MACROH2A2: variants seen among roughly 807,000 people sequenced by gnomAD.
MACROH2A2 encodes core histone macro-H2A.2.
A neutral mutation model predicts 37.6 loss-of-function variants in MACROH2A2; 6 were observed. The observed-to-expected ratio is 0.16, with a 90% CI of 0.09 to 0.32. The LOEUF (loss-of-function observed/expected upper bound fraction) is 0.32, where lower values mean the gene tolerates loss of function less well. MACROH2A2 is among the 10% of genes least tolerant of loss of function. MACROH2A2 has a pLI of 1.00. For missense variants in MACROH2A2, 290 were observed against 485.9 expected, an observed-to-expected ratio of 0.60 and a Z score of 3.79; for synonymous variants, 192 against 202.7, an observed-to-expected ratio of 0.95 and a Z score of 0.45.
At chr10:70,100,086 G>A (rs1052070636) in intron 6 of MACROH2A2, 122 bp from the exon 7 acceptor site, 1 of 581,778 alleles carries the variant, frequency 1.7e-6, no homozygotes, top group South Asian at 2.5e-5. Flanking sequence ...TAACAATTGG[G>A]AAGTTCAATT....
chr10:70,069,016 A>G (rs1381062518), intron 1 of MACROH2A2, among the ~76,000 whole-genome samples: 1 of 152,252 alleles, frequency 6.6e-6, no homozygotes, highest in Non-Finnish European at 1.5e-5. Context: ...ACCAACTTCT[A>G]GAGACAGTAA....
chr10:70,097,970 G>A (rs1188220601), intron 6 of MACROH2A2, among the ~76,000 whole-genome samples: 9 of 152,108 alleles, frequency 5.9e-5, no homozygotes, highest in Non-Finnish European at 1.2e-4. Flanking sequence ...GCCCGAGTAC[G>A]GTGGCTCACA....
chr10:70,102,992 A>G (rs1250006467), intron 7 of MACROH2A2, among the ~76,000 whole-genome samples: 7 of 150,868 alleles, frequency 4.6e-5, no homozygotes, highest in Non-Finnish European at 8.8e-5. Context: ...ACTTTGTATC[A>G]GAGTATAAAG....
Position 70,053,424 on chromosome 10 carries a change from G to T in MACROH2A2, c.-60+424G>T, listed in dbSNP as rs547595280. ...GGCCGCCGATGGGCACGGGGCGATG[G>T]GTGGGGGGCTGCGCAGGGCCCGAGG... On this transcript the variant is annotated intron_variant, in intron 1 of 8. Transcript: ENST00000373255. The surrounding 1 kb of genome is among the most constrained non-coding windows in gnomAD (Gnocchi z 4.8). 2.6e-5 allele frequency among the ~76,000 whole-genome samples: 4 copies of T among 152,052 alleles called. No homozygotes were observed. Among genetic ancestry groups the T allele is most frequent in the African/African-American group, 4.8e-5 (2 of 41,510 alleles).
intron 1 of MACROH2A2, among the ~76,000 whole-genome samples, chr10:70,060,582 A>G (rs1442043541): frequency 6.6e-6 from 1 of 152,162 alleles, no homozygotes; most frequent in African/African-American, 2.4e-5. Flanking sequence ...CAAGGCATAC[A>G]GTCCACCTGC....
intron 6 of MACROH2A2, among the ~76,000 whole-genome samples, chr10:70,097,519 A>G (rs1390116362): frequency 2.0e-5 from 3 of 152,200 alleles, no homozygotes; most frequent in Non-Finnish European, 2.9e-5. Flanking sequence ...TCAAAACATT[A>G]TGTTATTATG....
chr10:70,089,693 T>A (rs1243447776), intron 2 of MACROH2A2, among the ~76,000 whole-genome samples: 1 of 152,168 alleles, frequency 6.6e-6, no homozygotes, highest in Non-Finnish European at 1.5e-5. Context: ...TCGGATAACA[T>A]CTTGCTAAAA....
intron 2 of MACROH2A2, among the ~76,000 whole-genome samples, chr10:70,088,134 C>T (rs2072222104): frequency 6.6e-6 from 1 of 151,890 alleles, no homozygotes; most frequent in Non-Finnish European, 1.5e-5. Context: ...ATATGCCCGC[C>T]TGCACACTCA....
chr10:70,111,196 G>A (rs1027279460), intron 8 of MACROH2A2, among the ~76,000 whole-genome samples: 1 of 152,048 alleles, frequency 6.6e-6, no homozygotes, highest in African/African-American at 2.4e-5. Flanking sequence ...TTGAACCCGG[G>A]AGGTGGAGGT....
chr10:70,082,423 A>G (rs1269006328), intron 2 of MACROH2A2, among the ~76,000 whole-genome samples: 3 of 152,072 alleles, frequency 2.0e-5, no homozygotes, highest in Non-Finnish European at 4.4e-5. Flanking sequence ...TGTCAAAAAA[A>G]AAAAAAAGAA....
chr10:70,095,398 C>G (rs2072269617), intron 5 of MACROH2A2, among the ~76,000 whole-genome samples: 1 of 151,786 alleles, frequency 6.6e-6, no homozygotes, highest in African/African-American at 2.4e-5. Flanking sequence ...AGGGGAGGCC[C>G]TGTTCCTGTT....
chr10:70,093,692 T>G (rs757510295), intron 4 of MACROH2A2, 43 bp from the exon 5 acceptor site: 2 of 1,102,774 alleles, frequency 1.8e-6, no homozygotes, highest in East Asian at 4.7e-5. Context: ...CTCAGGCTTT[T>G]TCTGGATTGG....
At chr10:70,096,822 T>C (rs1322787583) in intron 6 of MACROH2A2, among the ~76,000 whole-genome samples, 3 of 152,276 alleles carry the variant, frequency 2.0e-5, no homozygotes, top group South Asian at 2.1e-4. Context: ...GGCTTCCTCC[T>C]GGCATCAGAG....
chr10:70,055,675 T>C (rs1188804407), intron 1 of MACROH2A2, among the ~76,000 whole-genome samples: 1 of 152,216 alleles, frequency 6.6e-6, no homozygotes, highest in South Asian at 2.1e-4. Flanking sequence ...AAACAGGTAC[T>C]TTCATATACT....
chr10:70,068,215 C>A (rs2072089791), intron 1 of MACROH2A2, among the ~76,000 whole-genome samples: 1 of 151,868 alleles, frequency 6.6e-6, no homozygotes, highest in South Asian at 2.1e-4. Flanking sequence ...TAACCTTGAG[C>A]AAGTCAGAAG....
rs771302848 is a variant in MACROH2A2 at position 70,107,730 on chromosome 10, A to T, written c.779-1303A>T. 6.6e-5 allele frequency among the ~76,000 whole-genome samples: 10 copies of T among 152,052 alleles called. No homozygotes were observed. Among genetic ancestry groups the T allele is most frequent in the Non-Finnish European group, 1.5e-4 (10 of 68,000 alleles). ...TTTCACAGCCCGCTTTTGAAACCCC[A>T]CTCTCTGCAGGGCATGTGGAGATCA... On this transcript the variant is annotated intron_variant, in intron 7 of 8. Transcript: ENST00000373255. The surrounding 1 kb of genome is among the most constrained non-coding windows in gnomAD (Gnocchi z 4.4).
chr10:70,064,945 C>G (rs1589830887), intron 1 of MACROH2A2, among the ~76,000 whole-genome samples: 2 of 152,182 alleles, frequency 1.3e-5, no homozygotes, highest in Non-Finnish European at 2.9e-5. Context: ...AAACAGGAAG[C>G]ATGCCCACCA....
At chr10:70,054,928 T>A (rs751159317) in intron 1 of MACROH2A2, among the ~76,000 whole-genome samples, 1 of 152,130 alleles carries the variant, frequency 6.6e-6, no homozygotes. Context: ...CCTGGATCCA[T>A]TAATTGTCAG....
intron 3 of MACROH2A2, among the ~76,000 whole-genome samples, chr10:70,090,505 CAGA>C (rs1252591029): frequency 6.6e-6 from 1 of 152,202 alleles, no homozygotes; most frequent in Non-Finnish European, 1.5e-5. Flanking sequence ...CTGATGAAGG[CAGA>C]AGACTCTTTA....
Sources: gnomAD v4.1 joint callset for allele counts (sites outside exome capture counted in the v4.1 genomes callset) on GRCh38, gnomAD v4.1.1 for gene constraint, Gnocchi (gnomAD v3.1) non-coding constraint, MANE v1.5 for transcripts, NCBI Gene and HGNC (gene_info 2026-07-23, HGNC 2026-07-21) for gene names.